FBXW7: variants seen among roughly 807,000 people sequenced by gnomAD.
The protein encoded by FBXW7 is F-box/WD repeat-containing protein 7.
Under a neutral mutation model 86.3 loss-of-function variants are expected in FBXW7, and 11 were observed. The ratio of observed to expected loss-of-function variants is 0.13; its 90% CI spans 0.08 to 0.21. The LOEUF is 0.21. Among genes scored for constraint, FBXW7 ranks in the 10% least tolerant of loss-of-function variants. The pLI, the probability that FBXW7 is intolerant of heterozygous loss-of-function variation, is 1.00. For missense variants in FBXW7, 488 were observed against 847.4 expected, an observed-to-expected ratio of 0.58 and a Z score of 5.27; for synonymous variants, 313 against 297.9, an observed-to-expected ratio of 1.05 and a Z score of -0.52.
chr4:152,332,300 T>A (rs1729637358), intron 8 of FBXW7, among the ~76,000 whole-genome samples: 1 of 152,128 alleles, frequency 6.6e-6, no homozygotes, highest in Non-Finnish European at 1.5e-5. Flanking sequence ...ATACTAAATA[T>A]TTGGATATTT....
chr4:152,380,208 T>C (rs1319183561), intron 4 of FBXW7, among the ~76,000 whole-genome samples: 1 of 152,014 alleles, frequency 6.6e-6, no homozygotes, highest in Non-Finnish European at 1.5e-5. Flanking sequence ...GTAAAAGCCA[T>C]ACAATACGTC....
At chr4:152,395,530 G>A (rs1262804214) in intron 4 of FBXW7, among the ~76,000 whole-genome samples, 3 of 151,998 alleles carry the variant, frequency 2.0e-5, no homozygotes, top group African/African-American at 7.2e-5. Flanking sequence ...CCTTGTGGAA[G>A]TTGGATACTC....
chr4:152,493,400 G>A (rs1362619026), intron 2 of FBXW7, among the ~76,000 whole-genome samples: 1 of 152,040 alleles, frequency 6.6e-6, no homozygotes, highest in East Asian at 1.9e-4. Flanking sequence ...CCTGACCTCA[G>A]GTGATCCACC....
At chr4:152,327,747 A>C (rs976184909) in intron 11 of FBXW7, among the ~76,000 whole-genome samples, 13 of 152,046 alleles carry the variant, frequency 8.6e-5, no homozygotes, top group Non-Finnish European at 1.6e-4. Context: ...ATAGTTCAGA[A>C]TGAGAGAACA....
chr4:152,352,014 G>A (rs1339844140), intron 4 of FBXW7, among the ~76,000 whole-genome samples: 2 of 152,008 alleles, frequency 1.3e-5, no homozygotes, highest in Admixed American at 1.3e-4. Flanking sequence ...AATTAATTCT[G>A]CAATTTTTGA....
Position 152,507,266 on chromosome 4 carries a change from A to C in FBXW7, c.-120+27675T>G, listed in dbSNP as rs543017879. Among the ~76,000 whole-genome samples the C allele has an allele frequency of 5.3e-4, 80 of 152,316 alleles. 2 individuals carry two copies. The highest frequency in any genetic ancestry group is 4.8e-3 in the Admixed American group (73 of 15,298). ...CAAAGTCAAGATTTTTCTTTTAAAA[A>C]AACTTCTGAGATCACTACACCAAAT... is the stretch of plus-strand genomic sequence containing the variant. On this transcript the variant is annotated intron_variant, in intron 2 of 13. Transcript: ENST00000281708.
intron 2 of FBXW7, among the ~76,000 whole-genome samples, chr4:152,443,426 G>T (rs1224494365): frequency 2.6e-5 from 4 of 152,074 alleles, no homozygotes; most frequent in Non-Finnish European, 5.9e-5. Context: ...AAAAAATACA[G>T]TAATATTTTA....
chr4:152,324,143 C>A lies in FBXW7; in HGVS notation c.1855+41G>T, dbSNP rs1479441441. 4 of 1,468,550 alleles carry A rather than the reference C, an allele frequency of 2.7e-6. No homozygotes were observed. The East Asian group carries it at 9.1e-5, about 33-fold the overall frequency. 91.0% of individuals were successfully genotyped at this position (1,468,550 alleles called of 1,614,324 possible). Reference sequence around the variant, plus strand: ...CTCCATATTTCTCTTGAATAATGATCTCATTTTTAATGAACAAAACGAAAG... The same window carrying A: ...CTCCATATTTCTCTTGAATAATGATATCATTTTTAATGAACAAAACGAAAG... On this transcript the variant is annotated intron_variant, in intron 13 of 13. Transcript: ENST00000281708.
intron 4 of FBXW7, among the ~76,000 whole-genome samples, chr4:152,362,016 AAAAG>A (rs1408551397): frequency 2.0e-5 from 3 of 151,882 alleles, no homozygotes; most frequent in African/African-American, 7.2e-5. Context: ...AAGAAAAGAA[AAAAG>A]AAAGCTTATC....
At chr4:152,388,616 T>C (rs1735746281) in intron 4 of FBXW7, among the ~76,000 whole-genome samples, 1 of 152,158 alleles carries the variant, frequency 6.6e-6, no homozygotes, top group Admixed American at 6.5e-5. Context: ...TAATAAATTA[T>C]AAGTTGACAG....
rs1156358876 is a variant in FBXW7, at chr4:152,411,320, A to G, written c.484T>C (p.Tyr162His). ...LPVHQLSSPF[Y>H]TKTTKMKRKL... ...ATACTCACTTTTGTTGTTTTTGTATAGAATGGGGAGGAGAGTTGGTGAACG... is the reference window on the plus strand; with the variant it reads ...ATACTCACTTTTGTTGTTTTTGTATGGAATGGGGAGGAGAGTTGGTGAACG... Residue 162 changes from tyrosine (Y) to histidine (H), a missense_variant, in exon 4 of 14, where the codon TAT becomes CAT. Tyr to His is a moderately conservative substitution (Grantham distance 83). Around this residue, in one of 4 missense-constraint regions of FBXW7, gnomAD observed 230 missense variants for 240.0 expected, o/e 0.96. Transcript: ENST00000281708. 3 of 1,604,634 alleles carry G rather than the reference A, an allele frequency of 1.9e-6. No individual in the cohort carries two copies. Among genetic ancestry groups the G allele is most frequent in the East Asian group, 2.2e-5 (1 of 44,724 alleles).
At chr4:152,462,899 C>CCCACTT (rs755039091) in intron 2 of FBXW7, among the ~76,000 whole-genome samples, 52 of 151,598 alleles carry the variant, frequency 3.4e-4, no homozygotes, top group Non-Finnish European at 1.0e-4. Flanking sequence ...TTGAAGTACT[C>CCCACTT]CCACTTCCAC....
At chr4:152,520,765 CAA>C (rs919040223) in intron 2 of FBXW7, among the ~76,000 whole-genome samples, 3 of 152,170 alleles carry the variant, frequency 2.0e-5, no homozygotes, top group Non-Finnish European at 4.4e-5. Flanking sequence ...TCCATTGGAT[CAA>C]AGTTTCACTA....
At chr4:152,451,897 A>G (rs1157015114) in intron 2 of FBXW7, 1 of 152,208 alleles carries the variant, frequency 6.6e-6, no homozygotes, top group Non-Finnish European at 1.5e-5. Flanking sequence ...CCTCTGAGAG[A>G]TGACTCCAGC....
chr4:152,473,639 C>A (rs1744151965), intron 2 of FBXW7, among the ~76,000 whole-genome samples: 2 of 151,984 alleles, frequency 1.3e-5, no homozygotes, highest in Admixed American at 1.3e-4. Flanking sequence ...CACCACCACG[C>A]CTGCCTAATT....
At chr4:152,436,891 C>T (rs1406241336) in intron 2 of FBXW7, among the ~76,000 whole-genome samples, 2 of 152,190 alleles carry the variant, frequency 1.3e-5, no homozygotes, top group African/African-American at 4.8e-5. Flanking sequence ...TCAAATATTA[C>T]TCATTGCTCA....
At chr4:152,323,210 A>T (rs779779443) in intron 13 of FBXW7, 61 bp from the exon 14 acceptor site, 57 of 1,537,360 alleles carry the variant, frequency 3.7e-5, no homozygotes, top group Non-Finnish European at 4.8e-5. Flanking sequence ...AGTTAGTTAC[A>T]TTATAATTTG....
intron 4 of FBXW7, among the ~76,000 whole-genome samples, chr4:152,366,664 G>T (rs1733511047): frequency 6.6e-6 from 1 of 152,134 alleles, no homozygotes; most frequent in Non-Finnish European, 1.5e-5. Flanking sequence ...GAAGAAATAG[G>T]AACTCTTTTA....
intron 2 of FBXW7, among the ~76,000 whole-genome samples, chr4:152,424,271 T>C (rs944381645): frequency 2.6e-5 from 4 of 152,228 alleles, no homozygotes; most frequent in African/African-American, 9.6e-5. Context: ...ACGACTTTGA[T>C]GTGCATGGTC....
Sources: gnomAD v4.1 joint callset for allele counts (sites outside exome capture counted in the v4.1 genomes callset) on GRCh38, gnomAD v4.1.1 for gene constraint, gnomAD v4.1.1 regional missense constraint, MANE v1.5 for transcripts, NCBI Gene and HGNC (gene_info 2026-07-23, HGNC 2026-07-21) for gene names.